The following DMRT1 variants were observed in gnomAD, a reference collection of about 807,000 sequenced individuals.
The protein encoded by DMRT1 is doublesex and mab-3 related transcription factor 1.
Under a neutral mutation model 32.3 loss-of-function variants are expected in DMRT1, and 7 were observed. The observed-to-expected ratio is 0.22, with a 90% CI of 0.12 to 0.41. The LOEUF is 0.41. Among genes scored for constraint, DMRT1 ranks in the 10% least tolerant of loss-of-function variants. The pLI is 1.00. For missense variants in DMRT1, 625 were observed against 500.5 expected, an observed-to-expected ratio of 1.25 and a Z score of -2.37; for synonymous variants, 278 against 206.1, an observed-to-expected ratio of 1.35 and a Z score of -2.99.
chr9:894,338 ATGTGTGTGTGCCATTTTGCACACATG>A (rs1171229167), intron 3 of DMRT1, 143 bp downstream of exon 3: 7 of 838,698 alleles, frequency 8.3e-6, no homozygotes, highest in Non-Finnish European at 1.4e-5. Context: ...ACACACACAT[ATGTGTGTGTGCCATTTTGCACACATG>A]TAGGCACAAT....
chr9:855,911 G>C (rs1815379146), intron 2 of DMRT1, among the ~76,000 whole-genome samples: 1 of 151,352 alleles, frequency 6.6e-6, no homozygotes, highest in South Asian at 2.1e-4. Flanking sequence ...GAGGCAGCAT[G>C]CCTGACCTCT....
chr9:865,189 T>C (rs1313698822), intron 2 of DMRT1, among the ~76,000 whole-genome samples: 1 of 152,214 alleles, frequency 6.6e-6, no homozygotes, highest in Non-Finnish European at 1.5e-5. Context: ...TCTCGAATAT[T>C]GAAGACACCT....
chr9:878,305 G>T (rs1816595043), intron 2 of DMRT1, among the ~76,000 whole-genome samples: 1 of 150,922 alleles, frequency 6.6e-6, no homozygotes, highest in African/African-American at 2.4e-5. Context: ...GGGACTGTGG[G>T]AGACAGACTT....
At chr9:922,120 C>T (rs1818374148) in intron 4 of DMRT1, among the ~76,000 whole-genome samples, 1 of 152,054 alleles carries the variant, frequency 6.6e-6, no homozygotes, top group Middle Eastern at 3.2e-3. Flanking sequence ...CTCAAGCGAT[C>T]CTCCCACCTC....
chr9:842,219 G>A (rs1838713469), intron 1 of DMRT1, 27 bp downstream of exon 1: 1 of 1,468,258 alleles, frequency 6.8e-7, no homozygotes, highest in African/African-American at 1.6e-5. Context: ...GGGAGCCCGG[G>A]TTCAGCCTTA....
intron 3 of DMRT1, among the ~76,000 whole-genome samples, chr9:898,559 A>G (rs1817458638): frequency 6.6e-6 from 1 of 152,024 alleles, no homozygotes; most frequent in Admixed American, 6.6e-5. Context: ...GCTTCCTAGG[A>G]GAGGGCAGAG....
At chr9:844,195 AG>A (rs1838806932) in intron 1 of DMRT1, among the ~76,000 whole-genome samples, 1 of 152,258 alleles carries the variant, frequency 6.6e-6, no homozygotes, top group South Asian at 2.1e-4. Context: ...AAGGTCACTT[AG>A]AATGGGAAAC....
chr9:850,793 C>G (rs980297876), intron 2 of DMRT1, among the ~76,000 whole-genome samples: 1 of 152,076 alleles, frequency 6.6e-6, no homozygotes, highest in African/African-American at 2.4e-5. Context: ...CTTTGGGAGG[C>G]CAAGGCAGGT....
chr9:886,761 A>G (rs924149005), intron 2 of DMRT1, among the ~76,000 whole-genome samples: 33 of 152,150 alleles, frequency 2.2e-4, no homozygotes, highest in African/African-American at 7.7e-4. Context: ...TAGGTTTATC[A>G]TCAATTAATA....
At chr9:927,302 C>T (rs978976837) in intron 4 of DMRT1, among the ~76,000 whole-genome samples, 2 of 152,220 alleles carry the variant, frequency 1.3e-5, no homozygotes, top group East Asian at 1.9e-4. Context: ...GCTTGTCATG[C>T]ATCTTTCACC....
intron 3 of DMRT1, among the ~76,000 whole-genome samples, chr9:901,849 C>T (rs1286583586): frequency 6.6e-6 from 1 of 151,738 alleles, no homozygotes; most frequent in African/African-American, 2.4e-5. Flanking sequence ...CAAGATAACA[C>T]CCTCACTCCA....
chr9:948,311 A>T (rs1819314148), intron 4 of DMRT1, among the ~76,000 whole-genome samples: 1 of 152,160 alleles, frequency 6.6e-6, no homozygotes, highest in African/African-American at 2.4e-5. Flanking sequence ...ATGAAGGGAA[A>T]AGCAAAGTTT....
rs151261315 is a variant in DMRT1 at position 896,899 on chromosome 9, C to T, written c.822+2704C>T. Among the ~76,000 whole-genome samples the T allele has an allele frequency of 4.3e-3, 647 of 152,078 alleles. 3 individuals carry two copies. The highest frequency in any genetic ancestry group is 0.016 in the Admixed American group (240 of 15,256). ...CTCTGACCCATTCTGTTCCATTTTG[C>T]GTCTGCCTTTTTCAGGTATTAAAAT... is the stretch of plus-strand genomic sequence containing the variant. On this transcript the variant is annotated intron_variant, in intron 3 of 4. Coordinates refer to ENST00000382276, the MANE Select transcript of DMRT1 (RefSeq NM_021951.3).
chr9:892,214 G>A (rs896905648), intron 2 of DMRT1, among the ~76,000 whole-genome samples: 1 of 152,204 alleles, frequency 6.6e-6, no homozygotes, highest in African/African-American at 2.4e-5. Context: ...TGTGATTCAA[G>A]TCAGCTTTAA....
At chr9:932,692 T>G (rs1422770324) in intron 4 of DMRT1, among the ~76,000 whole-genome samples, 1 of 152,108 alleles carries the variant, frequency 6.6e-6, no homozygotes, top group African/African-American at 2.4e-5. Context: ...CAGCTGAAAA[T>G]GGGGTGCCCA....
chr9:853,744 C>T (rs1304033431), intron 2 of DMRT1, among the ~76,000 whole-genome samples: 1 of 151,576 alleles, frequency 6.6e-6, no homozygotes, highest in Non-Finnish European at 1.5e-5. Context: ...ACCTCAGGTG[C>T]TCCGCCTGCC....
At chr9:944,461 C>G (rs1330417508) in intron 4 of DMRT1, among the ~76,000 whole-genome samples, 3 of 152,204 alleles carry the variant, frequency 2.0e-5, no homozygotes, top group African/African-American at 7.2e-5. Context: ...TTGCTCCTCC[C>G]TCCTTTGAGA....
At chr9:937,189 T>G (rs1169710379) in intron 4 of DMRT1, among the ~76,000 whole-genome samples, 2 of 152,252 alleles carry the variant, frequency 1.3e-5, no homozygotes, top group African/African-American at 4.8e-5. Context: ...CATTCCTTTT[T>G]ATGGCTGAAT....
At chr9:881,957 T>C (rs962792020) in intron 2 of DMRT1, among the ~76,000 whole-genome samples, 4 of 152,256 alleles carry the variant, frequency 2.6e-5, no homozygotes, top group African/African-American at 7.2e-5. Flanking sequence ...GAGAAATCTC[T>C]GTCTTGGCCG....
Sources: allele counts gnomAD v4.1 joint callset (sites outside exome capture counted in the v4.1 genomes callset), GRCh38; gene constraint gnomAD v4.1.1; transcripts MANE v1.5; gene names NCBI Gene and HGNC (gene_info 2026-07-23, HGNC 2026-07-21).